The following NTRK1 variants were observed in gnomAD, a reference collection of about 807,000 sequenced individuals.
The protein encoded by NTRK1 is neurotrophic receptor tyrosine kinase 1.
A neutral mutation model predicts 86.8 loss-of-function variants in NTRK1; 62 were observed. The ratio of observed to expected loss-of-function variants is 0.71; its 90% CI spans 0.58 to 0.88. The LOEUF (loss-of-function observed/expected upper bound fraction) is 0.88, where lower values mean the gene tolerates loss of function less well. Among genes scored for constraint, NTRK1 ranks in the 40% least tolerant of loss-of-function variants. NTRK1 has a pLI of 0.00. For missense variants in NTRK1, 967 were observed against 1,078.4 expected (o/e 0.90, Z 1.45); for synonymous variants, 469 against 456.6 (o/e 1.03, Z -0.35).
In NTRK1 at chr1:156,861,050, C is replaced by T. The variant is rs1377294547; in HGVS notation, c.116C>T (p.Ala39Val). The T allele has an allele frequency of 3.8e-6, 6 of 1,559,670 alleles. No individual in the cohort carries two copies. The African/African-American group carries it at 6.8e-5, about 18-fold the overall frequency. Residue 39 changes from alanine to valine, a missense_variant, in exon 1 of 17, where the codon GCC (alanine) becomes GTC (valine). Transcript: ENST00000524377. ...GCGGGCGCCGCACCCTGCCCCGATG[C>T]CTGCTGCCCCCACGGCTCCTCGGGA... ...ASAGAAPCPD[A>V]CCPHGSSGLR...
In NTRK1 at chr1:156,868,171, G is replaced by A. The variant is rs1571689630; in HGVS notation, c.496G>A (p.Gly166Arg). Reference sequence around the variant, plus strand: ...CTGGCTACAGCGCTGGGAGGAGGAGGGACTGGGCGGAGTGCCTGAACAGAA... The same window carrying A: ...CTGGCTACAGCGCTGGGAGGAGGAGAGACTGGGCGGAGTGCCTGAACAGAA... ...LRWLQRWEEE[G>R]LGGVPEQKLQ... The change falls in exon 5 of 17, where the codon GGA becomes AGA. Residue 166 changes from glycine to arginine, a missense_variant. Transcript: ENST00000524377. 1 of 1,613,806 alleles carries A rather than the reference G, an allele frequency of 6.2e-7. No individual in the cohort carries two copies.
exon 2 of NTRK1, chr1:156,842,190 C>G (rs779943666): frequency 6.2e-7 from 1 of 1,613,920 alleles, no homozygotes. Flanking sequence ...TTGTTGGCAG[C>G]AAGGTAGGCC....
chr1:156,876,618 G>A (rs1160307870), intron 14 of NTRK1, 46 bp downstream of exon 14: 5 of 1,578,028 alleles, frequency 3.2e-6, no homozygotes, highest in Non-Finnish European at 3.4e-6. Flanking sequence ...CTGGCTCTGG[G>A]CCCCGTCTTC....
chr1:156,849,010 C>A, intron 2 of NTRK1: 1 of 1,613,440 alleles, frequency 6.2e-7, no homozygotes, highest in Non-Finnish European at 8.5e-7. Flanking sequence ...GGTCTGCCTC[C>A]GTCACGTTGG....
chr1:156,851,711 G>A (rs756613475), intron 2 of NTRK1: 27 of 1,614,054 alleles, frequency 1.7e-5, no homozygotes, highest in South Asian at 5.5e-5. Flanking sequence ...ATCCTGTGCC[G>A]CCTGGATGGA....
chr1:156,829,447 C>G, intron 1 of NTRK1, among the ~76,000 whole-genome samples: 1 of 152,242 alleles, frequency 6.6e-6, no homozygotes, highest in South Asian at 2.1e-4. Flanking sequence ...ACAGGTCCCT[C>G]CAGCCCAGAA....
intron 1 of NTRK1, among the ~76,000 whole-genome samples, chr1:156,822,728 T>A (rs1365343679): frequency 1.3e-5 from 2 of 151,548 alleles, no homozygotes; most frequent in Admixed American, 6.6e-5. Flanking sequence ...TAGCCCTTCA[T>A]CTAGTTTGAG....
upstream of NTRK1, among the ~76,000 whole-genome samples, chr1:156,856,037 C>T (rs1340604491): frequency 6.6e-6 from 1 of 151,760 alleles, no homozygotes; most frequent in Non-Finnish European, 1.5e-5. Context: ...AACTCCTGGC[C>T]TCTTCAAGTA....
Position 156,881,650 on chromosome 1 carries a change from G to A in NTRK1, c.*8G>A, listed in dbSNP as rs755870019. On this transcript the variant is annotated 3_prime_UTR_variant, in exon 17 of 17. Coordinates refer to ENST00000524377, the MANE Select transcript of NTRK1 (RefSeq NM_002529.4). ...CTGGATGTCCTGGGCTAGGGGGCCGGCCCAGGGGCTGGGAGTGGTTAGCCG... is the reference window on the plus strand; with the variant it reads ...CTGGATGTCCTGGGCTAGGGGGCCGACCCAGGGGCTGGGAGTGGTTAGCCG... The A allele has an allele frequency of 3.8e-6, 6 of 1,598,758 alleles. No homozygotes were observed. The South Asian group carries it at 5.6e-5, about 15-fold the overall frequency.
At position 156,879,086 on chromosome 1, in the gene NTRK1, C is replaced by G. The variant is rs1177096797; in HGVS notation, c.1806-36C>G. 5 of 1,611,568 alleles carry G rather than the reference C, an allele frequency of 3.1e-6. No individual in the cohort carries two copies. The Admixed American group carries it at 6.7e-5, about 22-fold the overall frequency. On this transcript the variant is annotated intron_variant, in intron 14 of 16. Transcript: ENST00000524377. ...TCCTCAGGCTCCTGGGAGTTCTATC[C>G]TCCCAGCCTATCCCCTCTCCTTTTC...
In NTRK1 at chr1:156,854,073, C is replaced by A; in HGVS notation, c.51-10281C>A. On this transcript the variant is annotated intron_variant, in intron 2 of 16. Coordinates refer to the NTRK1 transcript ENST00000392302. This position sits in a 1 kb window ranked among gnomAD's most constrained non-coding sequence, Gnocchi z 4.2. ...GCATAGCCCAGGAAGAGGCGCGTCC[C>A]GCGGATGACTGCTAGGTTGGGGAAG... The A allele has an allele frequency of 6.2e-7, 1 of 1,614,080 alleles. No individual in the cohort carries two copies. The highest frequency in any genetic ancestry group is 8.5e-7 in the Non-Finnish European group (1 of 1,180,048).
chr1:156,877,410 G>A (rs868058529), intron 14 of NTRK1, among the ~76,000 whole-genome samples: 1 of 152,256 alleles, frequency 6.6e-6, no homozygotes, highest in South Asian at 2.1e-4. Flanking sequence ...CTGTTTCACA[G>A]ATAAGGCTTA....
At chr1:156,840,833 T>C (rs1338971709) in intron 1 of NTRK1, 12 of 1,506,634 alleles carry the variant, frequency 8.0e-6, no homozygotes, top group Non-Finnish European at 1.1e-5. Context: ...GGTCCCTTCC[T>C]GTCTCCCCAT....
At chr1:156,844,678 G>T (rs760443305) in intron 2 of NTRK1, 1 of 1,614,038 alleles carries the variant, frequency 6.2e-7, no homozygotes, top group Non-Finnish European at 8.5e-7. Flanking sequence ...ACAAAACGGG[G>T]CTGGGACGGG....
chr1:156,871,791 A>C (rs750310640), intron 7 of NTRK1, 36 bp downstream of exon 7: 29 of 1,613,386 alleles, frequency 1.8e-5, no homozygotes, highest in Non-Finnish European at 2.5e-5. Context: ...CCCACCCCCT[A>C]CTCATCTCTT....
chr1:156,840,697 T>C (rs763393436), intron 1 of NTRK1: 8 of 622,506 alleles, frequency 1.3e-5, no homozygotes, highest in Admixed American at 2.8e-5. Flanking sequence ...GAGAAACTCC[T>C]ATGGTGAGAC....
chr1:156,870,973 G>A (rs1033643449), intron 6 of NTRK1, among the ~76,000 whole-genome samples: 5 of 152,230 alleles, frequency 3.3e-5, no homozygotes, highest in African/African-American at 1.2e-4. Flanking sequence ...TCTGCTGCAG[G>A]AGGCGATGCC....
chr1:156,845,848 G>T, intron 2 of NTRK1: 1 of 1,593,374 alleles, frequency 6.3e-7, no homozygotes, highest in South Asian at 1.1e-5. Context: ...TAGTAAGACA[G>T]GCGGTCTACC....
chr1:156,849,503 C>CTGG, intron 2 of NTRK1: 3 of 483,644 alleles, frequency 6.2e-6, no homozygotes, highest in Non-Finnish European at 1.0e-5. Flanking sequence ...GAGGTGGGGG[C>CTGG]AGGGGGTGGG....
Sources: allele counts gnomAD v4.1 joint callset (sites outside exome capture counted in the v4.1 genomes callset), GRCh38; gene constraint gnomAD v4.1.1; non-coding constraint Gnocchi (gnomAD v3.1); transcripts MANE v1.5; gene names NCBI Gene and HGNC (gene_info 2026-07-23, HGNC 2026-07-21).